The following NUP210L variants were observed in gnomAD, a reference collection of about 807,000 sequenced individuals.
NUP210L encodes the protein nuclear pore membrane glycoprotein 210-like.
A neutral mutation model predicts 208.5 loss-of-function variants in NUP210L; 74 were observed. The observed-to-expected ratio is 0.35, with a 90% confidence interval of 0.29 to 0.43. NUP210L has a LOEUF of 0.43. NUP210L is among the 20% of genes least tolerant of loss of function. The probability of loss-of-function intolerance (pLI) is 1.00; values close to 1 mark genes in which losing one functional copy is unlikely to be tolerated. For synonymous variants in NUP210L, 780 were observed against 816.9 expected (o/e 0.95, Z 0.77); for missense variants, 1,843 against 2,289.4 (o/e 0.81, Z 3.98).
chr1:154,002,656 G>A (rs924458842), intron 35 of NUP210L, among the ~76,000 whole-genome samples: 1 of 151,990 alleles, frequency 6.6e-6, no homozygotes, highest in Non-Finnish European at 1.5e-5. Context: ...ATAGAGAAGG[G>A]ACTTCATTAT....
chr1:154,126,494 T>C (rs1369015303), intron 9 of NUP210L, 31 bp from the exon 10 acceptor site: 1 of 1,581,088 alleles, frequency 6.3e-7, no homozygotes, highest in Admixed American at 1.8e-5. Context: ...AACACAAACC[T>C]GAAGATATGT....
In NUP210L at chr1:154,139,209, G is replaced by A. The variant is rs533562853; in HGVS notation, c.717+593C>T. Among the ~76,000 whole-genome samples, 5 of 152,018 alleles carry A rather than the reference G, an allele frequency of 3.3e-5. No homozygotes were observed. In the South Asian group the frequency reaches 1.0e-3, roughly 32 times the overall value. On this transcript the variant is annotated intron_variant, in intron 5 of 39. Transcript: ENST00000368559. ...CTTGAAACCCCCCCACCCCAAAAAA[G>A]GAAGAAATTAGAAACTGTAGTTTAT...
Position 154,039,235 on chromosome 1 carries a change from C to CT in NUP210L, c.3696+6833dup, listed in dbSNP as rs76369289. ...CCTCAGCTTTTGTTTTTCTGGGAAA[C>CT]TTTTTTTTTTTTTTTTTAGATGGAG... is the stretch of plus-strand genomic sequence containing the variant. On this transcript the variant is annotated intron_variant, in intron 27 of 39. Coordinates refer to ENST00000368559, the Ensembl canonical transcript of NUP210L. Among the ~76,000 whole-genome samples the CT allele has an allele frequency of 4.2e-3, 572 of 135,242 alleles. 2 individuals are homozygous for CT. The highest frequency in any genetic ancestry group is 9.3e-3 in the African/African-American group (345 of 37,090). 88.7% of individuals were successfully genotyped at this position (135,242 alleles called of 152,430 possible). A position where few individuals can be genotyped will look rare whatever the true frequency, so the allele number is the denominator to read the frequency against.
chr1:154,054,440 A>T, intron 24 of NUP210L, 33 bp from the exon 25 acceptor site: 1 of 1,599,396 alleles, frequency 6.3e-7, no homozygotes, highest in Non-Finnish European at 8.6e-7. Context: ...AATGCCTAGA[A>T]CATGAGGGAG....
At chr1:154,105,234 A>C (rs752901729) in intron 12 of NUP210L, among the ~76,000 whole-genome samples, 1 of 148,682 alleles carries the variant, frequency 6.7e-6, no homozygotes, top group Non-Finnish European at 1.5e-5. Flanking sequence ...TCACGCACGT[A>C]ATCTCAGCAC....
At chr1:154,116,132 G>A (rs1401199873) in intron 12 of NUP210L, among the ~76,000 whole-genome samples, 1 of 151,882 alleles carries the variant, frequency 6.6e-6, no homozygotes, top group African/African-American at 2.4e-5. Flanking sequence ...GCACATGCCT[G>A]TAGTCCCAGC....
At chr1:154,027,896 T>C (rs1651991865) in intron 28 of NUP210L, among the ~76,000 whole-genome samples, 1 of 152,160 alleles carries the variant, frequency 6.6e-6, no homozygotes, top group Non-Finnish European at 1.5e-5. Context: ...TCCATATTGC[T>C]TAGATATTAG....
rs1330251195 is a variant in NUP210L at position 154,063,744 on chromosome 1, A to T, written c.2555-2070T>A. ...GATTATGTGAAAAAGTGTATAAAGTAGTTAGTGCAGTGCCTGGCATGTCAT... is the reference window on the plus strand; with the variant it reads ...GATTATGTGAAAAAGTGTATAAAGTTGTTAGTGCAGTGCCTGGCATGTCAT... On this transcript the variant is annotated intron_variant, in intron 17 of 39. Coordinates refer to ENST00000368559, the Ensembl canonical transcript of NUP210L. 4.6e-5 allele frequency among the ~76,000 whole-genome samples: 7 copies of T among 152,158 alleles called. No individual in the cohort carries two copies. The East Asian group carries it at 1.3e-3, about 29-fold the overall frequency.
intron 7 of NUP210L, among the ~76,000 whole-genome samples, chr1:154,132,997 T>C (rs1658334619): frequency 6.6e-6 from 1 of 152,236 alleles, no homozygotes; most frequent in Non-Finnish European, 1.5e-5. Context: ...CTATAGACAG[T>C]GTGCCCAAAG....
chr1:154,013,709 TG>T (rs1202932090), intron 33 of NUP210L, among the ~76,000 whole-genome samples: 1 of 152,208 alleles, frequency 6.6e-6, no homozygotes, highest in Non-Finnish European at 1.5e-5. Context: ...CAAAGTACAT[TG>T]TTTTTTCTCA....
chr1:154,118,974 G>A (rs1274528744), intron 10 of NUP210L, among the ~76,000 whole-genome samples, 166 bp from the exon 11 acceptor site: 1 of 152,012 alleles, frequency 6.6e-6, no homozygotes, highest in Non-Finnish European at 1.5e-5. Flanking sequence ...AATAAGCATA[G>A]TTGCTATGGT....
chr1:153,992,937 TAGA>T lies in NUP210L; in HGVS notation c.5567-5_5567-3del, dbSNP rs748479939. ...GAGAACTTGTGGAGTTAAAAAAACCTAGAAGAAGAGGGAAAAGTTGAGTGAATT... is the reference window on the plus strand; with the variant it reads ...GAGAACTTGTGGAGTTAAAAAAACCTAGAAGAGGGAAAAGTTGAGTGAATT... On this transcript the variant is annotated splice_region_variant and splice_polypyrimidine_tract_variant and intron_variant, in intron 39 of 39. Coordinates refer to ENST00000368559, the Ensembl canonical transcript of NUP210L. 2.9e-5 allele frequency: 47 copies of T among 1,610,516 alleles called. No homozygotes were observed. The highest frequency in any genetic ancestry group is 5.1e-5 in the Admixed American group (3 of 58,984).
intron 15 of NUP210L, among the ~76,000 whole-genome samples, chr1:154,094,670 C>A (rs1656097636): frequency 2.0e-5 from 3 of 152,002 alleles, no homozygotes; most frequent in Admixed American, 1.3e-4. Flanking sequence ...AATGTGATTG[C>A]AAATAATGTG....
Position 154,118,203 on chromosome 1 carries a change from G to A in NUP210L, c.1465-323C>T, listed in dbSNP as rs370913075. Among the ~76,000 whole-genome samples, 54 of 152,168 alleles carry A rather than the reference G, an allele frequency of 3.5e-4. 1 individual carries two copies. In the South Asian group the frequency reaches 0.011, roughly 30 times the overall value. On this transcript the variant is annotated intron_variant, in intron 11 of 39. Coordinates refer to ENST00000368559, the Ensembl canonical transcript of NUP210L. ...ACACGCCTGTAATCCCAGCTACTCCGGAGGCTGAGGCAGGAGAATCGCTTC... is the reference window on the plus strand; with the variant it reads ...ACACGCCTGTAATCCCAGCTACTCCAGAGGCTGAGGCAGGAGAATCGCTTC...
At chr1:154,154,268 G>A (rs1339122578) in intron 1 of NUP210L, among the ~76,000 whole-genome samples, 4 of 152,182 alleles carry the variant, frequency 2.6e-5, no homozygotes, top group African/African-American at 9.7e-5. Context: ...TGAAATGGGA[G>A]TAATAGTACT....
exon 37 of NUP210L, chr1:154,000,936 A>G (rs1650172286): frequency 6.2e-7 from 1 of 1,614,054 alleles, no homozygotes; most frequent in Non-Finnish European, 8.5e-7. Context: ...ATTGATGAAA[A>G]CAGGTGATGC....
chr1:154,025,839 C>T (rs192583993), intron 29 of NUP210L, 123 bp from the exon 30 acceptor site: 9 of 711,720 alleles, frequency 1.3e-5, no homozygotes, highest in African/African-American at 8.8e-5. Flanking sequence ...CCATTCTCCA[C>T]GTGTGTAATT....
At position 154,045,443 on chromosome 1, in the gene NUP210L, CAT is replaced by C. The variant is rs1202819603; in HGVS notation, c.3696+624_3696+625del. ...TATATTCATAGTGTTACTCATCTAA[CAT>C]AGTCATCTGCTCACAAATACAACAT... is the stretch of plus-strand genomic sequence containing the variant. On this transcript the variant is annotated intron_variant, in intron 27 of 39. Coordinates refer to ENST00000368559, the Ensembl canonical transcript of NUP210L. 2.0e-5 allele frequency among the ~76,000 whole-genome samples: 3 copies of C among 152,136 alleles called. No individual in the cohort carries two copies. The East Asian group carries it at 5.8e-4, about 29-fold the overall frequency.
At chr1:154,128,229 T>C (rs1658080093) in intron 8 of NUP210L, among the ~76,000 whole-genome samples, 1 of 152,178 alleles carries the variant, frequency 6.6e-6, no homozygotes, top group South Asian at 2.1e-4. Context: ...CTCATGCCTA[T>C]AATCCTAGCA....
Sources: allele counts gnomAD v4.1 joint callset (sites outside exome capture counted in the v4.1 genomes callset), GRCh38; gene constraint gnomAD v4.1.1; transcripts MANE v1.5; gene names NCBI Gene and HGNC (gene_info 2026-07-23, HGNC 2026-07-21).